Variants in SULF2 observed in about 807,000 individuals in gnomAD.
The protein encoded by SULF2 is extracellular sulfatase Sulf-2.
Under a neutral mutation model 107.7 loss-of-function variants are expected in SULF2, and 52 were observed. The observed-to-expected ratio is 0.48, with a 90% CI of 0.39 to 0.61. The LOEUF is 0.61. SULF2 is among the 20% of genes least tolerant of loss of function. The probability of loss-of-function intolerance (pLI) is 0.00; values close to 1 mark genes in which losing one functional copy is unlikely to be tolerated. For synonymous variants in SULF2, 460 were observed against 464.3 expected (o/e 0.99, Z 0.12); for missense variants, 993 against 1,177.3 (o/e 0.84, Z 2.29).
At chr20:47,747,010 T>TACAC (rs769812257) in intron 2 of SULF2, among the ~76,000 whole-genome samples, 1 of 132,306 alleles carries the variant, frequency 7.6e-6, no homozygotes, top group African/African-American at 3.0e-5. Flanking sequence ...TATATATATA[T>TACAC]ATATATATAC....
intron 7 of SULF2, among the ~76,000 whole-genome samples, chr20:47,679,750 C>T (rs894260298): frequency 6.6e-6 from 1 of 152,186 alleles, no homozygotes; most frequent in Non-Finnish European, 1.5e-5. Context: ...GCTTCTGACC[C>T]TCAGACACTG....
chr20:47,689,402 C>T (rs1466102457), intron 5 of SULF2: 2 of 152,232 alleles, frequency 1.3e-5, no homozygotes, highest in East Asian at 3.9e-4. Context: ...TGGGTGAGGC[C>T]AGCTATCATG....
chr20:47,771,535 C>CA (rs1324023523), intron 1 of SULF2, among the ~76,000 whole-genome samples: 4 of 152,216 alleles, frequency 2.6e-5, no homozygotes, highest in Non-Finnish European at 5.9e-5. Flanking sequence ...CAACCTCCCC[C>CA]AGCTCTTCCC....
intron 3 of SULF2, among the ~76,000 whole-genome samples, chr20:47,723,221 G>C (rs2089343261): frequency 6.6e-6 from 1 of 151,314 alleles, no homozygotes; most frequent in African/African-American, 2.4e-5. Flanking sequence ...TCCAGCCTGG[G>C]TGGCAGAGTG....
At chr20:47,714,172 G>A (rs1288364176) in intron 3 of SULF2, among the ~76,000 whole-genome samples, 1 of 152,224 alleles carries the variant, frequency 6.6e-6, no homozygotes, top group African/African-American at 2.4e-5. Flanking sequence ...AAACAAAACG[G>A]GGTCTTTGCC....
chr20:47,664,257 T>C, intron 14 of SULF2, 68 bp from the exon 15 acceptor site: 2 of 1,496,712 alleles, frequency 1.3e-6, no homozygotes, highest in South Asian at 2.4e-5. Flanking sequence ...AGGTGCAAGC[T>C]GTGATTTCTG....
chr20:47,713,606 C>T (rs1046960888), intron 3 of SULF2, among the ~76,000 whole-genome samples: 2 of 151,710 alleles, frequency 1.3e-5, no homozygotes, highest in Non-Finnish European at 2.9e-5. Flanking sequence ...GAAAAAGGGC[C>T]AGGCGTGGTG....
chr20:47,739,663 G>A (rs1432040047), intron 2 of SULF2, among the ~76,000 whole-genome samples: 1 of 152,220 alleles, frequency 6.6e-6, no homozygotes, highest in Non-Finnish European at 1.5e-5. Flanking sequence ...TCAAACATAA[G>A]TCATTTTGAT....
chr20:47,744,536 C>A (rs1019131721), intron 2 of SULF2, among the ~76,000 whole-genome samples: 3 of 152,130 alleles, frequency 2.0e-5, no homozygotes, highest in Non-Finnish European at 4.4e-5. Context: ...CTGTGTGCTA[C>A]CCCTATGTGA....
intron 3 of SULF2, among the ~76,000 whole-genome samples, chr20:47,712,937 G>C (rs1007112213): frequency 3.9e-5 from 6 of 152,112 alleles, no homozygotes; most frequent in Admixed American, 6.5e-5. Context: ...TGGGAGGCTG[G>C]GGTGGGAGAA....
intron 2 of SULF2, among the ~76,000 whole-genome samples, chr20:47,742,027 T>G (rs1019366551): frequency 2.0e-5 from 3 of 152,182 alleles, no homozygotes; most frequent in African/African-American, 7.2e-5. Flanking sequence ...CCAAATCAGC[T>G]GGCGGAGGAG....
chr20:47,763,237 C>A (rs2090453475), intron 1 of SULF2, among the ~76,000 whole-genome samples: 1 of 152,174 alleles, frequency 6.6e-6, no homozygotes, highest in South Asian at 2.1e-4. Flanking sequence ...GGCTCGCCAG[C>A]CCAGGAGACA....
At position 47,687,043 on chromosome 20, in the gene SULF2, G is replaced by A. The variant is rs184470601; in HGVS notation, c.738-2462C>T. 2.0e-4 allele frequency among the ~76,000 whole-genome samples: 30 copies of A among 152,320 alleles called. No individual in the cohort carries two copies. The East Asian group carries it at 5.0e-3, about 25-fold the overall frequency. On this transcript the variant is annotated intron_variant, in intron 5 of 20. Transcript: ENST00000688720. ...CAGAGACGCTCTCAGAGCAGCGAGC[G>A]TGTGGGAAAATTGGTCCCGCAGGCC...
At chr20:47,749,610 G>A (rs978350531) in intron 2 of SULF2, among the ~76,000 whole-genome samples, 3 of 152,362 alleles carry the variant, frequency 2.0e-5, no homozygotes, top group Non-Finnish European at 2.9e-5. Context: ...TTGAGCCTGC[G>A]ATTTGGAATT....
chr20:47,785,463 CGCCGCCGCTGCCGCTGCT>C lies in SULF2; in HGVS notation c.-239_-222del, dbSNP rs1470157059. ...CCGCCGCTGCCGCTGCCGCCGCCGC[CGCCGCCGCTGCCGCTGCT>C]GCATCCCCCGGCGAGCGCTGCTGCT... On this transcript the variant is annotated 5_prime_UTR_variant, in exon 1 of 21. Coordinates refer to ENST00000688720, the MANE Select transcript of SULF2 (RefSeq NM_001387048.1). 1 of 158,326 alleles carries C rather than the reference CGCCGCCGCTGCCGCTGCT, an allele frequency of 6.3e-6. No homozygotes were observed. Among genetic ancestry groups the C allele is most frequent in the Non-Finnish European group, 1.3e-5 (1 of 76,990 alleles). 9.8% of individuals were successfully genotyped at this position (158,326 alleles called of 1,614,324 possible).
intron 3 of SULF2, among the ~76,000 whole-genome samples, chr20:47,710,081 T>C (rs1028040855): frequency 2.7e-4 from 41 of 152,230 alleles, no homozygotes; most frequent in African/African-American, 9.9e-4. Context: ...TTTTAATTTT[T>C]AGTAGAGACC....
At chr20:47,737,822 G>A (rs1389871105) in intron 2 of SULF2, among the ~76,000 whole-genome samples, 1 of 138,874 alleles carries the variant, frequency 7.2e-6, no homozygotes, top group Non-Finnish European at 1.5e-5. Flanking sequence ...GAGTGCAGTG[G>A]TGTGATCTTG....
chr20:47,750,220 T>A (rs1171025235), intron 2 of SULF2, among the ~76,000 whole-genome samples: 5 of 152,182 alleles, frequency 3.3e-5, no homozygotes, highest in African/African-American at 9.7e-5. Flanking sequence ...GACCTCTTGA[T>A]CCGCGTGCCT....
Position 47,678,045 on chromosome 20 carries a change from C to G in SULF2, c.1193+631G>C, listed in dbSNP as rs1226640173. On this transcript the variant is annotated intron_variant, in intron 8 of 20. Coordinates refer to ENST00000688720, the MANE Select transcript of SULF2 (RefSeq NM_001387048.1). This position sits in a 1 kb window ranked among gnomAD's most constrained non-coding sequence, Gnocchi z 4.5. ...CCACCAGATGTCGCTGCGGCCACACCAGCCTCCCCGCCCTGACTCAGCCCA... is the reference window on the plus strand; with the variant it reads ...CCACCAGATGTCGCTGCGGCCACACGAGCCTCCCCGCCCTGACTCAGCCCA... 6.6e-6 allele frequency: 1 copy of G among 152,306 alleles called. No homozygotes were observed. Among genetic ancestry groups the G allele is most frequent in the Non-Finnish European group, 1.5e-5 (1 of 68,106 alleles). 9.4% of individuals were successfully genotyped at this position (152,306 alleles called of 1,614,324 possible).
Sources: allele counts gnomAD v4.1 joint callset (sites outside exome capture counted in the v4.1 genomes callset), GRCh38; gene constraint gnomAD v4.1.1; non-coding constraint Gnocchi (gnomAD v3.1); transcripts MANE v1.5; gene names NCBI Gene and HGNC (gene_info 2026-07-23, HGNC 2026-07-21).